Variants in TMSB15B observed in about 807,000 individuals in gnomAD.
TMSB15B encodes the protein thymosin beta 15B.
intron 1 of TMSB15B, among the ~76,000 whole-genome samples, chrX:103,938,631 A>G (rs1413512629): frequency 9.8e-5 from 11 of 112,029 alleles, no homozygotes; most frequent in African/African-American, 3.2e-4. Flanking sequence ...ATGCCTTTTA[A>G]TTGGGGCATT....
chrX:103,923,611 T>A (rs2074960136), intron 1 of TMSB15B, among the ~76,000 whole-genome samples: 1 of 111,999 alleles, frequency 8.9e-6, no homozygotes, highest in Non-Finnish European at 1.9e-5. Context: ...TGTAGCCTTG[T>A]AGTATAGTTT....
intron 1 of TMSB15B, among the ~76,000 whole-genome samples, chrX:103,933,437 T>A (rs1280246818): frequency 9.0e-6 from 1 of 111,288 alleles, no homozygotes; most frequent in African/African-American, 3.3e-5. Flanking sequence ...CTATCACCCA[T>A]GTAATAACTA....
At chrX:103,925,242 A>G (rs2074964944) in intron 1 of TMSB15B, among the ~76,000 whole-genome samples, 1 of 112,265 alleles carries the variant, frequency 8.9e-6, no homozygotes, top group African/African-American at 3.2e-5. Flanking sequence ...GTCTTGCCCA[A>G]GGTCACACAA....
intron 1 of TMSB15B, among the ~76,000 whole-genome samples, chrX:103,950,391 G>T (rs1250689443): frequency 9.0e-6 from 1 of 110,884 alleles, no homozygotes; most frequent in Non-Finnish European, 1.9e-5. Context: ...GGCAGAGCTA[G>T]TGGGAGATAG....
At chrX:103,941,945 T>G (rs1330814227) in intron 1 of TMSB15B, among the ~76,000 whole-genome samples, 14 of 107,065 alleles carry the variant, frequency 1.3e-4, no homozygotes, top group African/African-American at 4.2e-4. Context: ...ATTCAAGACA[T>G]TTGCCATTTT....
At chrX:103,940,359 G>A (rs2075009477) in intron 1 of TMSB15B, among the ~76,000 whole-genome samples, 1 of 112,398 alleles carries the variant, frequency 8.9e-6, no homozygotes, top group African/African-American at 3.2e-5. Context: ...CCTGCCCAGA[G>A]AGGAGGAATC....
chrX:103,951,447 G>T (rs2075039102), intron 1 of TMSB15B, among the ~76,000 whole-genome samples: 1 of 111,983 alleles, frequency 8.9e-6, no homozygotes, highest in Non-Finnish European at 1.9e-5. Flanking sequence ...GGAGTTTGAG[G>T]AGAAAGAAGT....
chrX:103,922,008 T>C (rs1211536549), intron 1 of TMSB15B, among the ~76,000 whole-genome samples: 2 of 111,166 alleles, frequency 1.8e-5, no homozygotes, highest in African/African-American at 3.3e-5. Context: ...GATAACCCAG[T>C]TCATTAGACC....
rs781868783 is a variant in TMSB15B at position 103,930,077 on chromosome X, G to A, written c.-721+10785G>A. Among the ~76,000 whole-genome samples, 7 of 110,723 alleles carry A rather than the reference G, an allele frequency of 6.3e-5. No individual in the cohort carries two copies. In the East Asian group the frequency reaches 2.0e-3, roughly 31 times the overall value. On this transcript the variant is annotated intron_variant, in intron 1 of 3. Transcript: ENST00000419165. ...TATGACATAAAGATCAGAAATCTTA[G>A]CCTGTCATTCAGAGCCATTCAAAAT...
intron 1 of TMSB15B, among the ~76,000 whole-genome samples, chrX:103,941,275 A>T (rs1419461017): frequency 8.9e-6 from 1 of 112,406 alleles, no homozygotes; most frequent in East Asian, 2.8e-4. Flanking sequence ...TTGATTCCAT[A>T]ACTTGGATCT....
chrX:103,937,308 A>C (rs1413535695), intron 1 of TMSB15B, among the ~76,000 whole-genome samples: 1 of 110,599 alleles, frequency 9.0e-6, no homozygotes, highest in Admixed American at 9.6e-5. Context: ...CTGGGCTTTT[A>C]GGTTGGTAGG....
chrX:103,935,040 G>A (rs1181550534), intron 1 of TMSB15B, among the ~76,000 whole-genome samples: 1 of 112,149 alleles, frequency 8.9e-6, no homozygotes, highest in Admixed American at 9.4e-5. Flanking sequence ...ACTCTAACTG[G>A]CGTGAGATGG....
chrX:103,941,483 G>A (rs1382272115), intron 1 of TMSB15B, among the ~76,000 whole-genome samples: 13 of 111,793 alleles, frequency 1.2e-4, no homozygotes, highest in African/African-American at 3.9e-4. Context: ...CAGTGTATGA[G>A]TGTTCCCCTT....
chrX:103,950,033 G>A (rs2075035112), intron 1 of TMSB15B, among the ~76,000 whole-genome samples: 1 of 111,567 alleles, frequency 9.0e-6, no homozygotes, highest in Admixed American at 9.5e-5. Flanking sequence ...GATAGGTTAA[G>A]TAAGGTGAGA....
chrX:103,946,885 G>A lies in TMSB15B; in HGVS notation c.-720-15136G>A, dbSNP rs781995405. The stretch of plus-strand genomic sequence containing the variant: ...AGGAAAAGATTGATATATTTGATTC[G>A]ACAAACATTGTATAATAAAAGACGT... On this transcript the variant is annotated intron_variant, in intron 1 of 3. Transcript: ENST00000419165. Among the ~76,000 whole-genome samples, 45 of 111,350 alleles carry A rather than the reference G, an allele frequency of 4.0e-4. 1 individual carries two copies. The highest frequency in any genetic ancestry group is 1.1e-3 in the South Asian group (3 of 2,654).
intron 1 of TMSB15B, among the ~76,000 whole-genome samples, chrX:103,940,274 G>A (rs1556323855): frequency 1.8e-5 from 2 of 112,264 alleles, no homozygotes; most frequent in African/African-American, 6.5e-5. Flanking sequence ...CTTCTCCCAG[G>A]TGCTCTGTCC....
intron 1 of TMSB15B, among the ~76,000 whole-genome samples, chrX:103,934,988 C>T (rs782753917): frequency 3.1e-4 from 35 of 112,332 alleles, no homozygotes; most frequent in Admixed American, 5.6e-4. Flanking sequence ...TTCTCCACAT[C>T]CTGTCCAGCA....
intron 1 of TMSB15B, among the ~76,000 whole-genome samples, chrX:103,923,963 T>C (rs1253112643): frequency 5.4e-5 from 6 of 111,872 alleles, no homozygotes; most frequent in Non-Finnish European, 1.1e-4. Context: ...TTTTTAAAAA[T>C]GAAATTACTA....
intron 1 of TMSB15B, among the ~76,000 whole-genome samples, chrX:103,954,568 C>T (rs191866618): frequency 8.9e-6 from 1 of 111,872 alleles, no homozygotes; most frequent in African/African-American, 3.2e-5. Context: ...CTTTACTTGC[C>T]CTGCCAGCAT....
Sources: gnomAD v4.1 joint callset for allele counts (sites outside exome capture counted in the v4.1 genomes callset) on GRCh38, gnomAD v4.1.1 for gene constraint, MANE v1.5 for transcripts, NCBI Gene and HGNC (gene_info 2026-07-23, HGNC 2026-07-21) for gene names.